The following BPIFB4 variants were observed in gnomAD, a reference collection of about 807,000 sequenced individuals.
BPIFB4 encodes the protein BPI fold-containing family B member 4.
A neutral mutation model predicts 69.2 loss-of-function variants in BPIFB4; 62 were observed. That is an observed-to-expected ratio of 0.90 (90% confidence interval 0.73 to 1.11). The LOEUF is 1.11. Ranked by LOEUF, BPIFB4 falls within the 50% of genes least tolerant of loss-of-function variation. The probability of loss-of-function intolerance (pLI) is 0.00; values close to 1 mark genes in which losing one functional copy is unlikely to be tolerated. For missense variants in BPIFB4, 789 were observed against 792.0 expected, an observed-to-expected ratio of 1.00 and a Z score of 0.04; for synonymous variants, 330 against 332.7, an observed-to-expected ratio of 0.99 and a Z score of 0.09.
chr20:33,089,610 C>A (rs1443766553), intron 9 of BPIFB4, 52 bp downstream of exon 9: 1 of 1,613,302 alleles, frequency 6.2e-7, no homozygotes, highest in East Asian at 2.2e-5. Context: ...GGACCGGGCC[C>A]TTTCTGGGAG....
Position 33,086,184 on chromosome 20 carries a change from G to A in BPIFB4, c.926+20G>A, listed in dbSNP as rs745440900. ...GCGAGGGTGAGTGCTAGCCGGCAGT[G>A]GAGTGCCTTGGGGGTTGCTGGAATG... On this transcript the variant is annotated intron_variant, in intron 7 of 17. Transcript: ENST00000375483. 25 of 1,596,582 alleles carry A rather than the reference G, an allele frequency of 1.6e-5. No individual in the cohort carries two copies. The Admixed American group carries it at 4.2e-4, about 27-fold the overall frequency.
intron 17 of BPIFB4, 124 bp downstream of exon 17, chr20:33,107,944 G>A (rs1328007204): frequency 1.2e-6 from 1 of 820,774 alleles, no homozygotes; most frequent in African/African-American, 1.7e-5. Context: ...AGGAAACAGG[G>A]TCCTCTTCCT....
chr20:33,103,068 C>A, intron 15 of BPIFB4, 54 bp downstream of exon 15: 2 of 1,570,940 alleles, frequency 1.3e-6, no homozygotes, highest in Non-Finnish European at 8.8e-7. Context: ...GAGCCCAGGA[C>A]GTGTCTTCCG....
chr20:33,083,255 G>T (rs1474677532), intron 4 of BPIFB4, 112 bp from the exon 5 acceptor site: 7 of 987,090 alleles, frequency 7.1e-6, no homozygotes, highest in African/African-American at 6.0e-5. Flanking sequence ...TGGCAGTGGT[G>T]GGGGGTTGCT....
intron 7 of BPIFB4, among the ~76,000 whole-genome samples, chr20:33,086,483 G>A (rs1364380733): frequency 1.3e-5 from 2 of 152,226 alleles, no homozygotes; most frequent in Admixed American, 1.3e-4. Flanking sequence ...GCATGCCTGA[G>A]ACTCACATCT....
intron 10 of BPIFB4, among the ~76,000 whole-genome samples, chr20:33,092,142 G>T (rs1480935735): frequency 6.6e-6 from 1 of 152,170 alleles, no homozygotes; most frequent in Non-Finnish European, 1.5e-5. Context: ...GTGGAGAGGA[G>T]TCTGGTCTTT....
At chr20:33,100,561 C>T (rs1981881955) in intron 14 of BPIFB4, 68 bp downstream of exon 14, 30 of 1,443,330 alleles carry the variant, frequency 2.1e-5, no homozygotes, top group Middle Eastern at 2.0e-4. Context: ...CACCAGGGAG[C>T]GGGTAGAGGT....
intron 14 of BPIFB4, among the ~76,000 whole-genome samples, chr20:33,101,250 G>C (rs1309074348): frequency 6.6e-6 from 1 of 152,124 alleles, no homozygotes; most frequent in Admixed American, 6.5e-5. Context: ...TACTTACCCA[G>C]GGCCACCCAG....
At chr20:33,109,501 TAG>T (rs917070389) in intron 17 of BPIFB4, among the ~76,000 whole-genome samples, 45 of 151,892 alleles carry the variant, frequency 3.0e-4, no homozygotes, top group African/African-American at 1.0e-3. Flanking sequence ...TGGTGAGAAT[TAG>T]AGTTTCCACC....
intron 3 of BPIFB4, among the ~76,000 whole-genome samples, chr20:33,082,396 C>T (rs1392715411): frequency 2.0e-5 from 3 of 152,070 alleles, no homozygotes; most frequent in Non-Finnish European, 4.4e-5. Flanking sequence ...TGCAATGGTG[C>T]GATCTCGGCT....
rs751636811 is a variant in BPIFB4, at chr20:33,082,993, G to C, written c.162G>C (p.Val54=). ...CTCTCCACTCGGCCCTGAGAGAGGT[G>C]CCCTTGGGTAAAGCCCGTGGTGATG... ...SDALHSALRE[V]PLGVGDIPYN... The change falls in exon 4 of 18, where the codon GTG becomes GTC. Residue 54 remains valine, a synonymous_variant. Coordinates refer to ENST00000375483, the MANE Select transcript of BPIFB4 (RefSeq NM_182519.3). 44 of 1,612,142 alleles carry C rather than the reference G, an allele frequency of 2.7e-5. No homozygotes were observed. The highest frequency in any genetic ancestry group is 5.1e-6 in the Non-Finnish European group (6 of 1,179,248).
chr20:33,087,662 G>A (rs1418910694), intron 7 of BPIFB4, among the ~76,000 whole-genome samples: 1 of 150,516 alleles, frequency 6.6e-6, no homozygotes, highest in African/African-American at 2.4e-5. Flanking sequence ...TTTCCCAGAA[G>A]AGAAAAAGAG....
chr20:33,089,836 C>G (rs538088165), intron 9 of BPIFB4, among the ~76,000 whole-genome samples: 1 of 152,254 alleles, frequency 6.6e-6, no homozygotes, highest in Non-Finnish European at 1.5e-5. Flanking sequence ...GGTAATGGCT[C>G]GTCCTGGGAG....
At chr20:33,105,613 C>G (rs938432851) in intron 16 of BPIFB4, among the ~76,000 whole-genome samples, 113 of 152,206 alleles carry the variant, frequency 7.4e-4, no homozygotes, top group Non-Finnish European at 2.1e-4. Flanking sequence ...GCCCCAGACT[C>G]TCTCCCACTC....
At chr20:33,101,099 G>A (rs1981896606) in intron 14 of BPIFB4, among the ~76,000 whole-genome samples, 1 of 152,200 alleles carries the variant, frequency 6.6e-6, no homozygotes, top group African/African-American at 2.4e-5. Context: ...GAGGATGCTG[G>A]TGATGATGAC....
intron 11 of BPIFB4, among the ~76,000 whole-genome samples, chr20:33,093,923 G>C (rs949164043): frequency 2.0e-5 from 3 of 152,034 alleles, no homozygotes; most frequent in African/African-American, 7.3e-5. Context: ...CAATCTATCT[G>C]TCTGATCTGT....
intron 17 of BPIFB4, among the ~76,000 whole-genome samples, chr20:33,108,120 G>A (rs1982123615): frequency 6.6e-6 from 1 of 152,132 alleles, no homozygotes; most frequent in Non-Finnish European, 1.5e-5. Flanking sequence ...AATGGAATGT[G>A]GTATAGTTCA....
chr20:33,081,882 G>C (rs1981242895), intron 3 of BPIFB4, among the ~76,000 whole-genome samples: 1 of 152,236 alleles, frequency 6.6e-6, no homozygotes, highest in East Asian at 1.9e-4. Flanking sequence ...ATGATTAAGA[G>C]CCCTGGATCA....
chr20:33,084,079 C>T (rs79313339), intron 5 of BPIFB4, among the ~76,000 whole-genome samples: 4,205 of 152,252 alleles, frequency 0.028, 122 homozygotes, highest in African/African-American at 0.077. Flanking sequence ...AGACCCAGTT[C>T]AGCTTTTCAT....
Sources: gnomAD v4.1 joint callset for allele counts (sites outside exome capture counted in the v4.1 genomes callset) on GRCh38, gnomAD v4.1.1 for gene constraint, MANE v1.5 for transcripts, NCBI Gene and HGNC (gene_info 2026-07-23, HGNC 2026-07-21) for gene names.